The following SYN3 variants were observed in gnomAD, a reference collection of about 807,000 sequenced individuals.
SYN3 encodes the protein synapsin-3.
A neutral mutation model predicts 65.8 loss-of-function variants in SYN3; 35 were observed. The observed-to-expected ratio is 0.53, with a 90% CI of 0.41 to 0.70. The LOEUF (loss-of-function observed/expected upper bound fraction) is 0.70, where lower values mean the gene tolerates loss of function less well. SYN3 is among the 30% of genes least tolerant of loss of function. SYN3 has a pLI of 0.00. For synonymous variants in SYN3, 270 were observed against 292.9 expected (o/e 0.92, Z 0.80); for missense variants, 680 against 749.0 (o/e 0.91, Z 1.08).
chr22:32,741,042 A>C (rs905148165), intron 6 of SYN3, among the ~76,000 whole-genome samples: 1 of 152,158 alleles, frequency 6.6e-6, no homozygotes, highest in Admixed American at 6.5e-5. Context: ...GCTTTGGCTT[A>C]ATTTTATTTC....
chr22:32,592,597 C>T (rs2059143218), intron 7 of SYN3, among the ~76,000 whole-genome samples: 1 of 152,154 alleles, frequency 6.6e-6, no homozygotes, highest in Non-Finnish European at 1.5e-5. Context: ...TCCCCTGATG[C>T]CAGGTTTCCT....
At chr22:32,614,695 T>G (rs572350902) in intron 6 of SYN3, among the ~76,000 whole-genome samples, 1 of 152,292 alleles carries the variant, frequency 6.6e-6, no homozygotes, top group Admixed American at 6.5e-5. Context: ...ATTCTGCATT[T>G]GTAGCTATTA....
At chr22:32,573,232 T>C (rs933968237) in intron 7 of SYN3, among the ~76,000 whole-genome samples, 7 of 152,208 alleles carry the variant, frequency 4.6e-5, no homozygotes, top group Admixed American at 6.5e-5. Context: ...ACAAATGGCT[T>C]GATTGTCATT....
In SYN3 at chr22:32,691,091, C is replaced by T. The variant is rs960047714; in HGVS notation, c.712-94355G>A. Among the ~76,000 whole-genome samples, 21 of 152,254 alleles carry T rather than the reference C, an allele frequency of 1.4e-4. No individual in the cohort carries two copies. In the South Asian group the frequency reaches 3.9e-3, roughly 29 times the overall value. On this transcript the variant is annotated intron_variant, in intron 6 of 13. Coordinates refer to ENST00000358763, the MANE Select transcript of SYN3 (RefSeq NM_003490.4). ...TGGTTTCTCAGTCCATGCTTGCCTCCCTTTTTTCTCTCCTACAGAACGTCA... is the reference window on the plus strand; with the variant it reads ...TGGTTTCTCAGTCCATGCTTGCCTCTCTTTTTTCTCTCCTACAGAACGTCA...
chr22:32,719,654 G>A (rs1383267941), intron 6 of SYN3, among the ~76,000 whole-genome samples: 1 of 152,132 alleles, frequency 6.6e-6, no homozygotes, highest in Non-Finnish European at 1.5e-5. Context: ...GCCAGTCTGA[G>A]CAACACAGTG....
chr22:32,966,176 G>A (rs1212859920), intron 3 of SYN3, among the ~76,000 whole-genome samples: 1 of 152,170 alleles, frequency 6.6e-6, no homozygotes, highest in Non-Finnish European at 1.5e-5. Context: ...GTAGACACAG[G>A]TATGAGGTGC....
chr22:32,792,484 A>G (rs1172270895), intron 6 of SYN3, among the ~76,000 whole-genome samples: 1 of 152,240 alleles, frequency 6.6e-6, no homozygotes, highest in Non-Finnish European at 1.5e-5. Context: ...GGAGGAAATG[A>G]AGCCAGGTTC....
chr22:32,658,362 A>G (rs1407143085), intron 6 of SYN3, among the ~76,000 whole-genome samples: 2 of 152,216 alleles, frequency 1.3e-5, no homozygotes, highest in African/African-American at 4.8e-5. Context: ...GGGTGAGAGA[A>G]GCAAGTGTGG....
At chr22:32,933,813 G>A (rs1025205060) in intron 3 of SYN3, among the ~76,000 whole-genome samples, 2 of 152,072 alleles carry the variant, frequency 1.3e-5, no homozygotes, top group Admixed American at 1.3e-4. Context: ...GCTTATAACT[G>A]GGAATTTTAG....
intron 2 of SYN3, among the ~76,000 whole-genome samples, chr22:32,990,305 C>CATCCATGAATCCATCCATGA (rs1425618313): frequency 2.1e-5 from 2 of 93,486 alleles, no homozygotes; most frequent in African/African-American, 9.9e-5. Flanking sequence ...TCCATGAATC[C>CATCCATGAATCCATCCATGA]ATCCATCCAT....
chr22:32,820,767 C>T (rs2146058911), intron 6 of SYN3, among the ~76,000 whole-genome samples: 1 of 152,270 alleles, frequency 6.6e-6, no homozygotes, highest in East Asian at 1.9e-4. Flanking sequence ...GAAGCTTACT[C>T]ATACCTATTT....
chr22:32,784,764 G>A (rs1479572802), intron 6 of SYN3: 1 of 152,182 alleles, frequency 6.6e-6, no homozygotes, highest in African/African-American at 2.4e-5. Context: ...TAAAACAGAA[G>A]TTCTGGAAGA....
intron 6 of SYN3, among the ~76,000 whole-genome samples, chr22:32,670,607 CA>C (rs1250377767): frequency 6.6e-6 from 1 of 152,192 alleles, no homozygotes; most frequent in Non-Finnish European, 1.5e-5. Flanking sequence ...TTGTATCTTA[CA>C]GCATTAGGCA....
chr22:33,018,753 A>C (rs959606128), intron 1 of SYN3, among the ~76,000 whole-genome samples: 3 of 152,162 alleles, frequency 2.0e-5, no homozygotes, highest in African/African-American at 7.2e-5. Flanking sequence ...TTGACACCCC[A>C]AACTTCTTTC....
At chr22:32,718,398 T>A (rs1359001881) in intron 6 of SYN3, among the ~76,000 whole-genome samples, 1 of 151,954 alleles carries the variant, frequency 6.6e-6, no homozygotes, top group Non-Finnish European at 1.5e-5. Context: ...AAACTGCTTC[T>A]TTGAGCAAGG....
At chr22:32,728,634 G>A (rs1185946888) in intron 6 of SYN3, among the ~76,000 whole-genome samples, 1 of 152,210 alleles carries the variant, frequency 6.6e-6, no homozygotes, top group Non-Finnish European at 1.5e-5. Context: ...AGCACAAGAG[G>A]TTGGGGGAGT....
At chr22:32,651,702 C>T (rs1400063247) in intron 6 of SYN3, among the ~76,000 whole-genome samples, 1 of 152,180 alleles carries the variant, frequency 6.6e-6, no homozygotes, top group Non-Finnish European at 1.5e-5. Context: ...ATGTTCCTAA[C>T]CTACACCCTG....
chr22:33,018,066 A>G (rs2145850401), intron 1 of SYN3, among the ~76,000 whole-genome samples: 1 of 152,290 alleles, frequency 6.6e-6, no homozygotes, highest in Admixed American at 6.5e-5. Context: ...CCAATTGTGA[A>G]AGTAAGCCAT....
At chr22:32,933,585 C>T (rs1181746811) in intron 3 of SYN3, among the ~76,000 whole-genome samples, 1 of 152,196 alleles carries the variant, frequency 6.6e-6, no homozygotes, top group Non-Finnish European at 1.5e-5. Context: ...TCTGCCACCA[C>T]ACCCAGCTAA....
Sources: allele counts gnomAD v4.1 joint callset (sites outside exome capture counted in the v4.1 genomes callset), GRCh38; gene constraint gnomAD v4.1.1; transcripts MANE v1.5; gene names NCBI Gene and HGNC (gene_info 2026-07-23, HGNC 2026-07-21).